CYP4F12: variants seen among roughly 807,000 people sequenced by gnomAD.
CYP4F12 encodes the protein cytochrome P450 4F12.
Under a neutral mutation model 56.5 loss-of-function variants are expected in CYP4F12, and 60 were observed. The observed-to-expected ratio is 1.06, with a 90% CI of 0.86 to 1.32. The LOEUF (loss-of-function observed/expected upper bound fraction) is 1.32, where lower values mean the gene tolerates loss of function less well. Among genes scored for constraint, CYP4F12 ranks in the 40% most tolerant of loss-of-function variants. CYP4F12 has a pLI of 0.00. For missense variants in CYP4F12, 711 were observed against 683.5 expected (o/e 1.04, Z -0.45); for synonymous variants, 263 against 264.9 (o/e 0.99, Z 0.07).
chr19:15,688,055 A>T (rs1191157907), intron 9 of CYP4F12, among the ~76,000 whole-genome samples: 4 of 152,172 alleles, frequency 2.6e-5, no homozygotes, highest in Non-Finnish European at 4.4e-5. Context: ...AGGGACAAAA[A>T]AGGACATGGC....
chr19:15,685,280 G>A, intron 9 of CYP4F12, 83 bp downstream of exon 9: 2 of 1,548,180 alleles, frequency 1.3e-6, no homozygotes, highest in Non-Finnish European at 1.8e-6. Flanking sequence ...GAGTTGTTTT[G>A]TGGATTCTTC....
intron 7 of CYP4F12, 27 bp downstream of exon 7, chr19:15,683,790 G>C: frequency 6.6e-7 from 1 of 1,510,902 alleles, no homozygotes; most frequent in African/African-American, 1.4e-5. Flanking sequence ...TCTGAATTTA[G>C]GTGAGAGAAT....
At chr19:15,691,077 T>C (rs1293641894) in intron 9 of CYP4F12, among the ~76,000 whole-genome samples, 1 of 152,206 alleles carries the variant, frequency 6.6e-6, no homozygotes, top group African/African-American at 2.4e-5. Context: ...TTGAAGACAC[T>C]TGCGTAAACA....
chr19:15,694,396 G>T (rs921891342), intron 9 of CYP4F12, among the ~76,000 whole-genome samples: 2 of 152,044 alleles, frequency 1.3e-5, no homozygotes, highest in African/African-American at 4.8e-5. Flanking sequence ...CCTTGAAGAG[G>T]TCCTTCACGT....
rs746323858 is a variant in CYP4F12 at position 15,696,037 on chromosome 19, T to A, written c.1217T>A (p.Ile406Asn). ...PFISRCCTQD[I>N]VLPDGRVIPK... ...ATCTCCCGATGCTGCACCCAGGACA[T>A]TGTTCTCCCAGATGGCCGAGTCATC... is the stretch of plus-strand genomic sequence containing the variant. Residue 406 changes from isoleucine (I) to asparagine (N), a missense_variant, in exon 10 of 13, where the codon ATT becomes AAT. Physicochemically the swap from Ile to Asn is moderately radical, Grantham distance 149. Transcript: ENST00000550308. 1 of 1,613,976 alleles carries A rather than the reference T, an allele frequency of 6.2e-7. No homozygotes were observed. The highest frequency in any genetic ancestry group is 8.5e-7 in the Non-Finnish European group (1 of 1,179,908).
chr19:15,682,508 G>T lies in CYP4F12; in HGVS notation c.645G>T (p.Gln215His). 6.2e-7 allele frequency: 1 copy of T among 1,613,368 alleles called. No individual in the cohort carries two copies. The highest frequency in any genetic ancestry group is 8.5e-7 in the Non-Finnish European group (1 of 1,179,484). The change falls in exon 6 of 13, where the codon CAG becomes CAT. Residue 215 changes from glutamine (Q) to histidine (H), a missense_variant and splice_region_variant. Transcript: ENST00000550308. The stretch of plus-strand genomic sequence containing the variant: ...TCTTCAGCTTTGACAGCCATTGTCA[G>T]GAGTGAGTTCCTTCCTAGGGCCTGG... The part of the protein sequence containing the change: ...KCIFSFDSHC[Q>H]ERPSEYIATI...
At chr19:15,695,570 C>G (rs1046391310) in intron 9 of CYP4F12, among the ~76,000 whole-genome samples, 2 of 151,022 alleles carry the variant, frequency 1.3e-5, no homozygotes, top group African/African-American at 4.9e-5. Flanking sequence ...GCTGGTATCT[C>G]TAGCATCACG....
At chr19:15,688,797 T>C (rs867892412) in intron 9 of CYP4F12, among the ~76,000 whole-genome samples, 4 of 152,234 alleles carry the variant, frequency 2.6e-5, no homozygotes, top group Middle Eastern at 3.4e-3. Flanking sequence ...GACCCAGAAA[T>C]AAAGCCAAAT....
chr19:15,696,313 C>T, intron 11 of CYP4F12, 88 bp downstream of exon 11: 1 of 1,610,394 alleles, frequency 6.2e-7, no homozygotes, highest in Non-Finnish European at 8.5e-7. Context: ...GTGGAGGGGG[C>T]AGGGTTTTGA....
intron 9 of CYP4F12, among the ~76,000 whole-genome samples, chr19:15,690,247 A>G (rs1398926915): frequency 2.6e-5 from 4 of 152,132 alleles, no homozygotes; most frequent in African/African-American, 9.7e-5. Flanking sequence ...ATGGGGTGCA[A>G]TGTGATATTA....
rs1467189946 is a variant in CYP4F12 at position 15,693,828 on chromosome 19, C to T, written c.1116-2108C>T. Among the ~76,000 whole-genome samples, 2 of 145,460 alleles carry T rather than the reference C, an allele frequency of 1.4e-5. 1 individual carries two copies. The highest frequency in any genetic ancestry group is 3.0e-5 in the Non-Finnish European group (2 of 66,216). On this transcript the variant is annotated intron_variant, in intron 9 of 12. Coordinates refer to ENST00000550308, the MANE Select transcript of CYP4F12 (RefSeq NM_023944.4). ...AGGGTTTTTATGGTTTTAGGTCTAA[C>T]GTTTAAGTCTTTATTCCATCTTGAA...
Position 15,697,038 on chromosome 19 carries a change from G to A in CYP4F12, c.1528G>A (p.Gly510Ser). ...RKLELIMRAE[G>S]GLWLRVEPLN... ...GCTGGAATTGATCATGCGCGCCGAG[G>A]GCGGGCTTTGGCTGCGGGTGGAGCC... is the stretch of plus-strand genomic sequence containing the variant. Residue 510 changes from glycine (G) to serine (S), a missense_variant, in exon 13 of 13, where the codon GGC becomes AGC. Gly to Ser is a moderately conservative substitution (Grantham distance 56, BLOSUM62 0). Transcript: ENST00000550308. 6.2e-7 allele frequency: 1 copy of A among 1,614,160 alleles called. No homozygotes were observed. Among genetic ancestry groups the A allele is most frequent in the Non-Finnish European group, 8.5e-7 (1 of 1,179,960 alleles).
At chr19:15,681,999 G>C (rs573199211) in intron 5 of CYP4F12, 92 of 179,418 alleles carry the variant, frequency 5.1e-4, no homozygotes, top group African/African-American at 2.0e-3. Flanking sequence ...TAGGGAGCTG[G>C]ACAGAGTTCA....
intron 9 of CYP4F12, among the ~76,000 whole-genome samples, chr19:15,687,136 G>C (rs560336505): frequency 1.1e-3 from 170 of 152,226 alleles, no homozygotes; most frequent in African/African-American, 3.9e-3. Context: ...AATTAGCCGG[G>C]CGTGATGGCA....
rs145437034 is a variant in CYP4F12 at position 15,675,906 on chromosome 19, A to G, written c.198+2179A>G. Among the ~76,000 whole-genome samples, 259 of 152,284 alleles carry G rather than the reference A, an allele frequency of 1.7e-3. 1 individual carries two copies. Among genetic ancestry groups the G allele is most frequent in the African/African-American group, 6.1e-3 (253 of 41,546 alleles). ...AATGCATGTATGTATGGAGACAGAAAGAGATAGAGAGATAAGAATTTATTA... is the reference window on the plus strand; with the variant it reads ...AATGCATGTATGTATGGAGACAGAAGGAGATAGAGAGATAAGAATTTATTA... On this transcript the variant is annotated intron_variant, in intron 2 of 12. Transcript: ENST00000550308.
chr19:15,683,748 G>A lies in CYP4F12; in HGVS notation c.903G>A (p.Val301=). ...AKSKTLDFID[V]LLLSKDEDGK... ...CCAAGACTTTGGATTTCATTGATGT[G>A]CTTCTGCTGAGCAAGGTAGGTTTCT... is the stretch of plus-strand genomic sequence containing the variant. The change falls in exon 7 of 13, where the codon GTG becomes GTA. Residue 301 remains valine, a synonymous_variant. Transcript: ENST00000550308. 6.4e-7 allele frequency: 1 copy of A among 1,559,296 alleles called. No homozygotes were observed. The highest frequency in any genetic ancestry group is 8.7e-7 in the Non-Finnish European group (1 of 1,154,048).
At chr19:15,683,787 T>C (rs372627773) in intron 7 of CYP4F12, 24 bp downstream of exon 7, 23 of 1,513,638 alleles carry the variant, frequency 1.5e-5, no homozygotes, top group Non-Finnish European at 2.0e-5. Flanking sequence ...TGATCTGAAT[T>C]TAGGTGAGAG....
intron 2 of CYP4F12, among the ~76,000 whole-genome samples, chr19:15,674,495 CCTCACTCTTATTCGTCTG>C: frequency 7.5e-6 from 1 of 133,294 alleles, no homozygotes; most frequent in Non-Finnish European, 1.6e-5. Flanking sequence ...TCATTCCTCT[CCTCACTCTTATTCGTCTG>C]CTCACTCACT....
At chr19:15,682,726 G>A (rs111582187) in intron 6 of CYP4F12, among the ~76,000 whole-genome samples, 2 of 152,306 alleles carry the variant, frequency 1.3e-5, no homozygotes, top group South Asian at 2.1e-4. Flanking sequence ...ATGTGCAAGA[G>A]ACAGTAGAAA....
Sources: allele counts gnomAD v4.1 joint callset (sites outside exome capture counted in the v4.1 genomes callset), GRCh38; gene constraint gnomAD v4.1.1; transcripts MANE v1.5; gene names NCBI Gene and HGNC (gene_info 2026-07-23, HGNC 2026-07-21).